The following PFDN6 variants were observed in gnomAD, a reference collection of about 807,000 sequenced individuals.
PFDN6 encodes the protein HLA class II region expressed gene KE2.
Under a neutral mutation model 19.3 loss-of-function variants are expected in PFDN6, and 5 were observed. The observed-to-expected ratio is 0.26, with a 90% CI of 0.14 to 0.55. PFDN6 has a LOEUF of 0.55. PFDN6 is among the 20% of genes least tolerant of loss of function. PFDN6 has a pLI of 0.94. For missense variants in PFDN6, 101 were observed against 149.4 expected, an observed-to-expected ratio of 0.68 and a Z score of 1.69; for synonymous variants, 51 against 63.4, an observed-to-expected ratio of 0.80 and a Z score of 0.93.
upstream of PFDN6, chr6:33,289,291 C>T: frequency 1.4e-6 from 2 of 1,481,016 alleles, no homozygotes; most frequent in Non-Finnish European, 1.8e-6. Flanking sequence ...GTATGAAGCT[C>T]TCTAGGTGCC....
At position 33,290,346 on chromosome 6, in the gene PFDN6, G is replaced by T; in HGVS notation, c.156G>T (p.Gly52=). Residue 52 remains glycine (G), a synonymous_variant, in exon 3 of 4, where the codon GGG becomes GGT. Coordinates refer to ENST00000374606, the MANE Select transcript of PFDN6 (RefSeq NM_001185181.3). The part of the protein sequence containing the change: ...IVKEELALLD[G]SNVVFKLLGP... The stretch of plus-strand genomic sequence containing the variant: ...ATCAGGAACTGGCCCTGCTGGATGG[G>T]TCCAACGTGGTCTTTAAACTTCTGG... 1.2e-6 allele frequency: 2 copies of T among 1,609,904 alleles called. No individual in the cohort carries two copies. Among genetic ancestry groups the T allele is most frequent in the Non-Finnish European group, 1.7e-6 (2 of 1,177,316 alleles).
At position 33,289,621 on chromosome 6, in the gene PFDN6, G is replaced by T; in HGVS notation, c.-236G>T. On this transcript the variant is annotated 5_prime_UTR_variant, in exon 1 of 4. Transcript: ENST00000374606. ...GGTTTATTACTACTGAAGGAAGAAC[G>T]TGAGTAGGTTAGGATTTCGGTTGAG... 5.2e-6 allele frequency: 3 copies of T among 582,206 alleles called. No homozygotes were observed. The highest frequency in any genetic ancestry group is 6.5e-5 in the East Asian group (2 of 30,564). The allele number at this position is 582,206 out of a possible 1,614,324, so 36.1% of individuals were successfully genotyped here. A position where few individuals can be genotyped will look rare whatever the true frequency, so the allele number is the denominator to read the frequency against.
chr6:33,290,769 G>T lies in PFDN6; in HGVS notation c.314G>T (p.Arg105Met). 2 of 1,610,964 alleles carry T rather than the reference G, an allele frequency of 1.2e-6. No individual in the cohort carries two copies. The highest frequency in any genetic ancestry group is 1.7e-6 in the Non-Finnish European group (2 of 1,179,944). The change falls in exon 4 of 4, where the codon AGG (arginine) becomes ATG (methionine). Residue 105 changes from arginine (R) to methionine (M), a missense_variant. Physicochemically the swap from Arg to Met is moderately conservative, Grantham distance 91. This residue lies in a region of PFDN6 where 47 missense variants were observed against 40.6 expected (regional missense o/e 1.16). Coordinates refer to ENST00000374606, the MANE Select transcript of PFDN6 (RefSeq NM_001185181.3). ...CTTGAGCGGCAGTCAGAGCAACAGAGGGAGACCCTTGCTCAGCTGCAGCAG... is the reference window on the plus strand; with the variant it reads ...CTTGAGCGGCAGTCAGAGCAACAGATGGAGACCCTTGCTCAGCTGCAGCAG... ...RDLERQSEQQ[R>M]ETLAQLQQEF...
chr6:33,290,527 G>T, intron 3 of PFDN6, 77 bp downstream of exon 3: 1 of 1,512,924 alleles, frequency 6.6e-7, no homozygotes, highest in South Asian at 1.3e-5. Flanking sequence ...TTGAACCATT[G>T]CAGAACAGCT....
In PFDN6 at chr6:33,289,911, C is replaced by T; in HGVS notation, c.55C>T (p.Leu19=). The T allele has an allele frequency of 1.2e-6, 2 of 1,608,780 alleles. No homozygotes were observed. Among genetic ancestry groups the T allele is most frequent in the African/African-American group, 1.3e-5 (1 of 74,798 alleles). ...LQGEVEKYQQ[L]QKDLSKSMSG... Reference sequence around the variant, plus strand: ...GGGAGAAGTGGAGAAATATCAACAGCTACAGAAGGGTAAGGGAACAGGGTC... The same window carrying T: ...GGGAGAAGTGGAGAAATATCAACAGTTACAGAAGGGTAAGGGAACAGGGTC... The change falls in exon 1 of 4, where the codon CTA becomes TTA. Residue 19 remains leucine, a synonymous_variant. Coordinates refer to ENST00000374606, the MANE Select transcript of PFDN6 (RefSeq NM_001185181.3).
Position 33,289,789 on chromosome 6 carries a change from C to A in PFDN6, c.-68C>A, listed in dbSNP as rs1382560861. ...CCGCAGGCCAGATCAGAAAAGGGAGCTCAGGTACCTTCCAGAGAGTGAGAC... is the reference window on the plus strand; with the variant it reads ...CCGCAGGCCAGATCAGAAAAGGGAGATCAGGTACCTTCCAGAGAGTGAGAC... On this transcript the variant is annotated 5_prime_UTR_variant, in exon 1 of 4. Coordinates refer to ENST00000374606, the MANE Select transcript of PFDN6 (RefSeq NM_001185181.3). 2 of 1,309,912 alleles carry A rather than the reference C, an allele frequency of 1.5e-6. No homozygotes were observed. The highest frequency in any genetic ancestry group is 2.1e-6 in the Non-Finnish European group (2 of 945,400). 81.1% of individuals were successfully genotyped at this position (1,309,912 alleles called of 1,614,324 possible).
chr6:33,290,559 T>C, intron 3 of PFDN6, 109 bp downstream of exon 3: 1 of 1,468,888 alleles, frequency 6.8e-7, no homozygotes, highest in Non-Finnish European at 9.2e-7. Context: ...CCCCTAGTCC[T>C]CCAGTTCCTC....
rs1767112356 is a variant in PFDN6 at position 33,289,658 on chromosome 6, C to T, written c.-199C>T. The stretch of plus-strand genomic sequence containing the variant: ...GGATTTCGGTTGAGAGGCTTGGGGT[C>T]TTGCGTTTCGCCCACCATCTCCTGG... On this transcript the variant is annotated 5_prime_UTR_variant, in exon 1 of 4. Transcript: ENST00000374606. 1 of 555,630 alleles carries T rather than the reference C, an allele frequency of 1.8e-6. No individual in the cohort carries two copies. The highest frequency in any genetic ancestry group is 2.9e-6 in the Non-Finnish European group (1 of 342,598). 34.4% of individuals were successfully genotyped at this position (555,630 alleles called of 1,614,324 possible). A position where few individuals can be genotyped will look rare whatever the true frequency, so the allele number is the denominator to read the frequency against.
At chr6:33,289,319 G>A (rs977221715), upstream of PFDN6, 12 of 1,440,952 alleles carry the variant, frequency 8.3e-6, no homozygotes, top group African/African-American at 1.3e-4. Context: ...GTGAGGGCAC[G>A]CTCTCCTTAG....
intron 1 of PFDN6, 86 bp downstream of exon 1, chr6:33,290,006 G>A: frequency 7.3e-7 from 1 of 1,367,874 alleles, no homozygotes; most frequent in Non-Finnish European, 1.0e-6. Flanking sequence ...CCCCATCTGG[G>A]CCCTCGCGTG....
upstream of PFDN6, chr6:33,289,391 A>C: frequency 2.3e-6 from 3 of 1,307,982 alleles, no homozygotes; most frequent in Non-Finnish European, 2.9e-6. Context: ...GTGATTTAAA[A>C]AAGAAAGGCA....
chr6:33,289,334 G>T, upstream of PFDN6: 1 of 1,380,106 alleles, frequency 7.2e-7, no homozygotes, highest in Non-Finnish European at 9.3e-7. Flanking sequence ...CCTTAGAGGG[G>T]CGGAACAGTT....
Position 33,289,925 on chromosome 6 carries a change from G to A in PFDN6, c.64+5G>A, listed in dbSNP as rs1767161339. On this transcript the variant is annotated splice_donor_5th_base_variant and intron_variant, in intron 1 of 3. Transcript: ENST00000374606. ...AATATCAACAGCTACAGAAGGGTAA[G>A]GGAACAGGGTCGGTATGGTCTCGCC... 1.2e-6 allele frequency: 2 copies of A among 1,605,970 alleles called. No individual in the cohort carries two copies. Among genetic ancestry groups the A allele is most frequent in the Non-Finnish European group, 1.7e-6 (2 of 1,175,806 alleles).
At chr6:33,290,304 A>C (rs566658142) in intron 2 of PFDN6, 22 bp from the exon 3 acceptor site, 1 of 1,611,928 alleles carries the variant, frequency 6.2e-7, no homozygotes, top group African/African-American at 1.3e-5. Flanking sequence ...TTCTGATCAC[A>C]TATGTCCCAT....
intron 2 of PFDN6, 36 bp from the exon 3 acceptor site, chr6:33,290,290 A>C: frequency 6.2e-7 from 1 of 1,613,946 alleles, no homozygotes; most frequent in Non-Finnish European, 8.5e-7. Flanking sequence ...TGTACTAGCC[A>C]TGGTTCTGAT....
chr6:33,290,249 G>C lies in PFDN6; in HGVS notation c.135+5G>C. 1 of 1,614,170 alleles carries C rather than the reference G, an allele frequency of 6.2e-7. No homozygotes were observed. The highest frequency in any genetic ancestry group is 8.5e-7 in the Non-Finnish European group (1 of 1,180,014). On this transcript the variant is annotated splice_donor_5th_base_variant and intron_variant, in intron 2 of 3. Transcript: ENST00000374606. ...GAAAATAATATCGTGAAAGAGGTGA[G>C]GGACTGGGATTTGTGGGGCGAGGAG...
chr6:33,290,906 G>C lies in PFDN6; in HGVS notation c.*61G>C, dbSNP rs1767319402. On this transcript the variant is annotated 3_prime_UTR_variant, in exon 4 of 4. Transcript: ENST00000374606. Reference sequence around the variant, plus strand: ...ATGAGGCAGCTCTAGGATCTATACTGTAGCTAATAAAATGTAAAAACACCT... The same window carrying C: ...ATGAGGCAGCTCTAGGATCTATACTCTAGCTAATAAAATGTAAAAACACCT... 2 of 1,450,570 alleles carry C rather than the reference G, an allele frequency of 1.4e-6. No homozygotes were observed. Among genetic ancestry groups the C allele is most frequent in the African/African-American group, 1.4e-5 (1 of 70,982 alleles). The allele number at this position is 1,450,570 out of a possible 1,614,324, so 89.9% of individuals were successfully genotyped here. A position where few individuals can be genotyped will look rare whatever the true frequency, so the allele number is the denominator to read the frequency against.
Position 33,290,545 on chromosome 6 carries a change from G to T in PFDN6, c.260+95G>T, listed in dbSNP as rs556819880. ...AACCATTGCAGAACAGCTCTCCATA[G>T]TGGCCCCTAGTCCTCCAGTTCCTCC... On this transcript the variant is annotated intron_variant, in intron 3 of 3. Coordinates refer to ENST00000374606, the MANE Select transcript of PFDN6 (RefSeq NM_001185181.3). The T allele has an allele frequency of 7.2e-4, 1,065 of 1,485,492 alleles. 3 individuals are homozygous for T. The highest frequency in any genetic ancestry group is 8.9e-4 in the Non-Finnish European group (982 of 1,100,662). The allele number at this position is 1,485,492 out of a possible 1,614,324, so 92.0% of individuals were successfully genotyped here.
chr6:33,290,629 C>T (rs1262099009), intron 3 of PFDN6, 87 bp from the exon 4 acceptor site: 20 of 1,532,742 alleles, frequency 1.3e-5, no homozygotes, highest in East Asian at 4.5e-5. Context: ...TCAAGTTTTC[C>T]ACCTATCTCT....
Sources: allele counts gnomAD v4.1 joint callset, GRCh38; gene constraint gnomAD v4.1.1; regional missense constraint gnomAD v4.1.1; transcripts MANE v1.5; gene names NCBI Gene and HGNC (gene_info 2026-07-23, HGNC 2026-07-21).